Variants in GOLM2 observed in about 807,000 individuals in gnomAD.
The protein encoded by GOLM2 is protein GOLM2.
In GOLM2, 26 loss-of-function variants were observed where a neutral mutation model predicts 55.9. The ratio of observed to expected loss-of-function variants is 0.47; its 90% CI spans 0.34 to 0.65. The LOEUF is 0.65. Ranked by LOEUF, GOLM2 falls within the 30% of genes least tolerant of loss-of-function variation. GOLM2 has a pLI of 0.01. For synonymous variants in GOLM2, 165 were observed against 194.6 expected (o/e 0.85, Z 1.27); for missense variants, 486 against 531.8 (o/e 0.91, Z 0.85).
At chr15:44,341,322 C>T (rs138429069) in intron 6 of GOLM2, among the ~76,000 whole-genome samples, 144 of 152,088 alleles carry the variant, frequency 9.5e-4, no homozygotes, top group African/African-American at 3.1e-3. Context: ...CCTTGTGATC[C>T]GCCTGCCTCA....
At chr15:44,377,249 G>C (rs2079370593) in intron 6 of GOLM2, among the ~76,000 whole-genome samples, 1 of 152,168 alleles carries the variant, frequency 6.6e-6, no homozygotes, top group Non-Finnish European at 1.5e-5. Flanking sequence ...GTGCAAGCCT[G>C]TGGTCCCAGC....
intron 1 of GOLM2, among the ~76,000 whole-genome samples, chr15:44,299,556 T>C (rs960478172): frequency 3.3e-5 from 5 of 151,918 alleles, no homozygotes; most frequent in Admixed American, 1.3e-4. Context: ...GCCTCCCAAA[T>C]TGACTAGATA....
At chr15:44,319,561 G>A (rs543821270) in intron 1 of GOLM2, among the ~76,000 whole-genome samples, 5 of 151,916 alleles carry the variant, frequency 3.3e-5, no homozygotes, top group South Asian at 2.1e-4. Context: ...TGTGTGAGTG[G>A]GGTTTTTGTT....
intron 9 of GOLM2, chr15:44,409,402 C>G (rs2079620258): frequency 7.0e-6 from 1 of 143,040 alleles, no homozygotes. Flanking sequence ...GTCTGGCCAA[C>G]ATGGGGAAAA....
At chr15:44,322,242 C>T (rs746303665) in intron 1 of GOLM2, among the ~76,000 whole-genome samples, 11 of 152,134 alleles carry the variant, frequency 7.2e-5, no homozygotes, top group Non-Finnish European at 1.5e-4. Flanking sequence ...GTGGTGCGCA[C>T]CTGCAGTCCC....
chr15:44,367,409 G>T lies in GOLM2; in HGVS notation c.803-12281G>T, dbSNP rs369482469. On this transcript the variant is annotated intron_variant, in intron 6 of 9. Coordinates refer to ENST00000299957, the MANE Select transcript of GOLM2 (RefSeq NM_138423.4). ...TGAATTTTTCAACTTTTATCTGAAA[G>T]TATCTTTATTTTATTCTCATTTTTG... is the stretch of plus-strand genomic sequence containing the variant. 1.8e-4 allele frequency among the ~76,000 whole-genome samples: 28 copies of T among 152,232 alleles called. No homozygotes were observed. In the Middle Eastern group the frequency reaches 0.017, roughly 92 times the overall value.
intron 8 of GOLM2, 99 bp from the exon 9 acceptor site, chr15:44,402,788 T>G: frequency 1.7e-6 from 2 of 1,160,764 alleles, no homozygotes; most frequent in Non-Finnish European, 2.5e-6. Flanking sequence ...CCCCAAAAGT[T>G]GCCAGCTTTC....
rs556115525 is a variant in GOLM2 at position 44,295,427 on chromosome 15, C to G, written c.327+6071C>G. On this transcript the variant is annotated intron_variant, in intron 1 of 9. Coordinates refer to ENST00000299957, the MANE Select transcript of GOLM2 (RefSeq NM_138423.4). ...GAGCTTTAAGTTGCTCCTGTCTTGT[C>G]CAAAGAAGTGAGAAACAACCCCCAC... is the stretch of plus-strand genomic sequence containing the variant. Among the ~76,000 whole-genome samples the G allele has an allele frequency of 3.9e-5, 6 of 152,266 alleles. 1 individual carries two copies. The South Asian group carries it at 1.2e-3, about 32-fold the overall frequency.
intron 8 of GOLM2, among the ~76,000 whole-genome samples, chr15:44,388,567 GGGTGGCTGAGTTAGCA>G (rs1300297239): frequency 3.3e-5 from 5 of 151,908 alleles, no homozygotes; most frequent in Non-Finnish European, 5.9e-5. Flanking sequence ...CCACCTCCTT[GGGTGGCTGAGTTAGCA>G]GGATTCTTTA....
intron 6 of GOLM2, among the ~76,000 whole-genome samples, chr15:44,342,125 G>T (rs2079094308): frequency 6.6e-6 from 1 of 152,030 alleles, no homozygotes; most frequent in African/African-American, 2.4e-5. Flanking sequence ...ATTTGGAACT[G>T]GGAAAAACAC....
chr15:44,333,013 A>C (rs1225200115), intron 4 of GOLM2, among the ~76,000 whole-genome samples: 1 of 152,032 alleles, frequency 6.6e-6, no homozygotes, highest in African/African-American at 2.4e-5. Context: ...GCTCACTGCC[A>C]GCCCCGCCTC....
intron 6 of GOLM2, among the ~76,000 whole-genome samples, chr15:44,364,647 A>G (rs576161783): frequency 1.2e-4 from 19 of 152,070 alleles, no homozygotes; most frequent in Admixed American, 2.0e-4. Context: ...GTGAGCCATG[A>G]TTACACCACT....
chr15:44,359,777 A>T (rs2079224079), intron 6 of GOLM2, among the ~76,000 whole-genome samples: 1 of 152,204 alleles, frequency 6.6e-6, no homozygotes, highest in Non-Finnish European at 1.5e-5. Flanking sequence ...GAAATGAAGG[A>T]AAAAATATTA....
chr15:44,401,494 C>T (rs1012551159), intron 8 of GOLM2, among the ~76,000 whole-genome samples: 1 of 152,142 alleles, frequency 6.6e-6, no homozygotes, highest in African/African-American at 2.4e-5. Flanking sequence ...GTAAGCAGTC[C>T]TCCCACCTTG....
intron 2 of GOLM2, among the ~76,000 whole-genome samples, chr15:44,323,951 T>C (rs1731015912): frequency 6.6e-6 from 1 of 152,228 alleles, no homozygotes; most frequent in Non-Finnish European, 1.5e-5. Context: ...CTATTATCCA[T>C]GATTTAGAAC....
intron 9 of GOLM2, among the ~76,000 whole-genome samples, chr15:44,403,687 T>C (rs1181438000): frequency 6.6e-6 from 1 of 152,196 alleles, no homozygotes; most frequent in Non-Finnish European, 1.5e-5. Context: ...CAAATGCTTC[T>C]AGAAAATACA....
At chr15:44,369,702 AC>A (rs1351110896) in intron 6 of GOLM2, among the ~76,000 whole-genome samples, 1 of 149,014 alleles carries the variant, frequency 6.7e-6, no homozygotes, top group East Asian at 2.0e-4. Flanking sequence ...ATACACACAC[AC>A]ACACACACAC....
At chr15:44,339,470 C>T (rs1432774643) in intron 6 of GOLM2, among the ~76,000 whole-genome samples, 1 of 152,074 alleles carries the variant, frequency 6.6e-6, no homozygotes, top group Non-Finnish European at 1.5e-5. Flanking sequence ...TCCTGAGTAG[C>T]TGGGATTACA....
chr15:44,337,330 C>T (rs2079064251), intron 4 of GOLM2, among the ~76,000 whole-genome samples: 1 of 152,000 alleles, frequency 6.6e-6, no homozygotes, highest in Non-Finnish European at 1.5e-5. Flanking sequence ...CACCCTTGCT[C>T]TTGAAGAGGC....
Sources: gnomAD v4.1 joint callset for allele counts (sites outside exome capture counted in the v4.1 genomes callset) on GRCh38, gnomAD v4.1.1 for gene constraint, MANE v1.5 for transcripts, NCBI Gene and HGNC (gene_info 2026-07-23, HGNC 2026-07-21) for gene names.